The following PRSS23 variants were observed in gnomAD, a reference collection of about 807,000 sequenced individuals.
PRSS23 encodes the protein protease, serine 23.
In PRSS23, 25 loss-of-function variants were observed where a neutral mutation model predicts 34.7. The observed-to-expected ratio is 0.72, with a 90% CI of 0.53 to 1.01. PRSS23 has a LOEUF of 1.01. PRSS23 is among the 50% of genes least tolerant of loss of function. PRSS23 has a pLI of 0.00. For missense variants in PRSS23, 445 were observed against 475.6 expected, an observed-to-expected ratio of 0.94 and a Z score of 0.60; for synonymous variants, 176 against 186.6, an observed-to-expected ratio of 0.94 and a Z score of 0.46.
chr11:86,911,344 A>C (rs1250267123), intron 2 of PRSS23: 2 of 152,182 alleles, frequency 1.3e-5, no homozygotes, highest in African/African-American at 4.8e-5. Flanking sequence ...CATGGGGTAC[A>C]TGTGCAGGTT....
chr11:86,823,759 C>A (rs982732053), intron 2 of PRSS23, among the ~76,000 whole-genome samples: 4 of 152,140 alleles, frequency 2.6e-5, no homozygotes, highest in Non-Finnish European at 5.9e-5. Flanking sequence ...GTAATCCCAG[C>A]ATTTTGGGAG....
intron 2 of PRSS23, among the ~76,000 whole-genome samples, chr11:86,824,386 A>G (rs1036809748): frequency 4.0e-5 from 6 of 150,616 alleles, no homozygotes; most frequent in Admixed American, 2.0e-4. Context: ...AAATAAAAAA[A>G]CAAAATGGAG....
chr11:86,918,077 C>T (rs899684896), intron 2 of PRSS23, among the ~76,000 whole-genome samples: 2 of 152,200 alleles, frequency 1.3e-5, no homozygotes, highest in African/African-American at 4.8e-5. Context: ...GCCTATAGCT[C>T]TCACATACCT....
At chr11:86,839,904 G>C (rs1259165049) in intron 2 of PRSS23, among the ~76,000 whole-genome samples, 2 of 151,164 alleles carry the variant, frequency 1.3e-5, no homozygotes, top group East Asian at 3.9e-4. Flanking sequence ...CAAATGCTAA[G>C]AGATTTTGTC....
intron 2 of PRSS23, among the ~76,000 whole-genome samples, chr11:86,894,611 G>A (rs1948862786): frequency 6.6e-6 from 1 of 152,102 alleles, no homozygotes; most frequent in Non-Finnish European, 1.5e-5. Context: ...ACACCTTCAT[G>A]TCTGGCAATG....
At chr11:86,948,153 G>A (rs1351220784) in intron 2 of PRSS23, 2 of 152,196 alleles carry the variant, frequency 1.3e-5, no homozygotes, top group African/African-American at 2.4e-5. Flanking sequence ...TCCTGGGAAA[G>A]GGATGAGAGA....
chr11:86,899,170 A>G (rs532827592), intron 2 of PRSS23, among the ~76,000 whole-genome samples: 8 of 151,812 alleles, frequency 5.3e-5, no homozygotes, highest in Non-Finnish European at 1.2e-4. Flanking sequence ...CCCACACCCC[A>G]CTCATGGTGC....
At chr11:86,851,780 A>G (rs1193863434) in intron 2 of PRSS23, among the ~76,000 whole-genome samples, 2 of 152,198 alleles carry the variant, frequency 1.3e-5, no homozygotes, top group Non-Finnish European at 2.9e-5. Flanking sequence ...TCTTGGTGCC[A>G]TGGTATCTGC....
In PRSS23 at chr11:86,834,784, G is replaced by A. The variant is rs542005486; in HGVS notation, c.206+11191G>A. 1.3e-3 allele frequency among the ~76,000 whole-genome samples: 202 copies of A among 152,238 alleles called. 1 individual carries two copies. Among genetic ancestry groups the A allele is most frequent in the African/African-American group, 4.6e-3 (192 of 41,542 alleles). ...GACTAGGTAAGCATACATAGAGTCT[G>A]TATATATATTTACCCTTTTTCCTTC... On this transcript the variant is annotated intron_variant, in intron 2 of 2. Coordinates refer to the PRSS23 transcript ENST00000533902.
chr11:86,831,815 T>C (rs1948358873), intron 2 of PRSS23, among the ~76,000 whole-genome samples: 1 of 151,968 alleles, frequency 6.6e-6, no homozygotes, highest in Admixed American at 6.5e-5. Flanking sequence ...TCGCAGCGGG[T>C]ATACACCCTG....
At chr11:86,828,595 G>A (rs577625109) in intron 2 of PRSS23, among the ~76,000 whole-genome samples, 2 of 152,278 alleles carry the variant, frequency 1.3e-5, no homozygotes, top group South Asian at 4.1e-4. Context: ...AGCCTCAATG[G>A]TCTTTACAAT....
chr11:86,912,488 T>C (rs1279305676), intron 2 of PRSS23, among the ~76,000 whole-genome samples: 1 of 152,236 alleles, frequency 6.6e-6, no homozygotes, highest in African/African-American at 2.4e-5. Context: ...CTCTCTGTTC[T>C]GCAAGTCAGT....
At chr11:86,952,392 G>C in exon 3 of PRSS23, 1 of 1,614,188 alleles carries the variant, frequency 6.2e-7, no homozygotes, top group Non-Finnish European at 8.5e-7. Context: ...TTGACTGAAA[G>C]ACACATGCCG....
intron 2 of PRSS23, among the ~76,000 whole-genome samples, chr11:86,844,277 G>C (rs1948470090): frequency 6.6e-6 from 1 of 152,122 alleles, no homozygotes; most frequent in South Asian, 2.1e-4. Context: ...TAGGCAGCTG[G>C]GAGAGGGATA....
chr11:86,941,480 A>G (rs1444773803), intron 2 of PRSS23, among the ~76,000 whole-genome samples: 1 of 152,214 alleles, frequency 6.6e-6, no homozygotes, highest in Admixed American at 6.5e-5. Flanking sequence ...CATTTCAGCT[A>G]TTCAACAAAT....
chr11:86,879,152 G>C (rs1158992332), intron 2 of PRSS23, among the ~76,000 whole-genome samples: 2 of 146,340 alleles, frequency 1.4e-5, no homozygotes, highest in African/African-American at 5.1e-5. Flanking sequence ...GCCTCTTCCC[G>C]GCCGCCATCC....
downstream of PRSS23, among the ~76,000 whole-genome samples, chr11:86,814,263 C>T (rs924393010): frequency 1.3e-5 from 2 of 151,958 alleles, no homozygotes; most frequent in African/African-American, 4.8e-5. Context: ...GAAATAATAT[C>T]ATCTGGGGAG....
intron 1 of PRSS23, among the ~76,000 whole-genome samples, chr11:86,822,099 G>T (rs1948256571): frequency 1.3e-5 from 2 of 152,126 alleles, no homozygotes; most frequent in African/African-American, 4.8e-5. Context: ...GAATTATCAA[G>T]CACATAATAG....
intron 2 of PRSS23, among the ~76,000 whole-genome samples, chr11:86,866,743 T>C (rs1948652122): frequency 6.6e-6 from 1 of 152,204 alleles, no homozygotes; most frequent in Admixed American, 6.5e-5. Flanking sequence ...AATAGATTGA[T>C]GCCCTCTCTT....
Sources: allele counts gnomAD v4.1 joint callset (sites outside exome capture counted in the v4.1 genomes callset), GRCh38; gene constraint gnomAD v4.1.1; transcripts MANE v1.5; gene names NCBI Gene and HGNC (gene_info 2026-07-23, HGNC 2026-07-21).